Variants in MAML3 observed in about 807,000 individuals in gnomAD.
MAML3 encodes the protein mastermind-like protein 3.
In MAML3, 27 loss-of-function variants were observed where a neutral mutation model predicts 101.9. The ratio of observed to expected loss-of-function variants is 0.27; its 90% CI spans 0.20 to 0.37. MAML3 has a LOEUF of 0.37. Among genes scored for constraint, MAML3 ranks in the 10% least tolerant of loss-of-function variants. The pLI is 1.00. For synonymous variants in MAML3, 501 were observed against 555.9 expected (o/e 0.90, Z 1.39); for missense variants, 1,316 against 1,444.9 (o/e 0.91, Z 1.45).
At chr4:140,115,175 C>T (rs915742790) in intron 1 of MAML3, among the ~76,000 whole-genome samples, 2 of 152,202 alleles carry the variant, frequency 1.3e-5, no homozygotes, top group Non-Finnish European at 2.9e-5. Flanking sequence ...CATTACCTTT[C>T]TACTCAAAGA....
rs561063761 is a variant in MAML3 at position 139,867,267 on chromosome 4, T to A, written c.2079+22090A>T. The stretch of plus-strand genomic sequence containing the variant: ...TGAATCCCCTGCAAATGTGTCCATG[T>A]TTGCTTTGGGAATGTGTATTTTTCT... On this transcript the variant is annotated intron_variant, in intron 2 of 4. Coordinates refer to ENST00000509479, the MANE Select transcript of MAML3 (RefSeq NM_018717.5). Among the ~76,000 whole-genome samples, 3 of 152,322 alleles carry A rather than the reference T, an allele frequency of 2.0e-5. No individual in the cohort carries two copies. In the East Asian group the frequency reaches 5.8e-4, roughly 29 times the overall value.
chr4:140,108,880 G>A (rs1728395060), intron 1 of MAML3, among the ~76,000 whole-genome samples: 1 of 152,122 alleles, frequency 6.6e-6, no homozygotes, highest in South Asian at 2.1e-4. Context: ...TGCCTCATCT[G>A]CTGTGCCTGG....
intron 1 of MAML3, among the ~76,000 whole-genome samples, chr4:140,027,380 G>A (rs1273895737): frequency 3.9e-5 from 6 of 152,176 alleles, no homozygotes; most frequent in East Asian, 3.9e-4. Context: ...CCCTTCTCCC[G>A]TGGTATACTT....
At chr4:140,059,873 A>G (rs1167522883) in intron 1 of MAML3, among the ~76,000 whole-genome samples, 1 of 152,234 alleles carries the variant, frequency 6.6e-6, no homozygotes, top group Non-Finnish European at 1.5e-5. Context: ...GAACAGCAAA[A>G]GGCATCTAAA....
At chr4:139,965,809 G>A (rs13109980) in intron 1 of MAML3, among the ~76,000 whole-genome samples, 39,175 of 151,862 alleles carry the variant, frequency 0.26, 5,553 homozygotes, top group Non-Finnish European at 0.32. Context: ...GTCCTGGATA[G>A]CCAAGAACCC....
chr4:140,111,352 C>T (rs1430405812), intron 1 of MAML3, among the ~76,000 whole-genome samples: 3 of 152,124 alleles, frequency 2.0e-5, no homozygotes, highest in African/African-American at 7.2e-5. Flanking sequence ...GATTAGCCTA[C>T]TAATGGAAAA....
chr4:140,130,972 A>G (rs1447450476), intron 1 of MAML3, among the ~76,000 whole-genome samples: 1 of 152,096 alleles, frequency 6.6e-6, no homozygotes, highest in Non-Finnish European at 1.5e-5. Context: ...TTCTAAATAG[A>G]GAGGACCAGC....
At chr4:140,093,792 G>A (rs1214454337) in intron 1 of MAML3, among the ~76,000 whole-genome samples, 1 of 152,108 alleles carries the variant, frequency 6.6e-6, no homozygotes, top group Admixed American at 6.5e-5. Flanking sequence ...ACCATCATGT[G>A]CTGCATTAGG....
At chr4:139,879,365 A>C (rs1426665399) in intron 2 of MAML3, among the ~76,000 whole-genome samples, 2 of 151,526 alleles carry the variant, frequency 1.3e-5, no homozygotes, top group Non-Finnish European at 2.9e-5. Context: ...ATGTCTACTA[A>C]AAATACAAAA....
chr4:139,823,946 T>A (rs1731017849), intron 2 of MAML3, among the ~76,000 whole-genome samples: 2 of 151,060 alleles, frequency 1.3e-5, no homozygotes, highest in Admixed American at 6.6e-5. Flanking sequence ...TTTGAAATAT[T>A]TACCCTCACC....
chr4:139,775,549 C>T (rs7679592), intron 2 of MAML3, among the ~76,000 whole-genome samples: 13,805 of 151,980 alleles, frequency 0.091, 747 homozygotes, highest in Middle Eastern at 0.15. Flanking sequence ...GGATGAGGAA[C>T]GAAACTGGAG....
At chr4:140,134,872 A>C (rs1340755205) in intron 1 of MAML3, among the ~76,000 whole-genome samples, 5 of 152,222 alleles carry the variant, frequency 3.3e-5, no homozygotes, top group African/African-American at 1.2e-4. Flanking sequence ...TCACAATGGC[A>C]CGGGCTACAG....
Position 140,153,403 on chromosome 4 carries a change from G to T in MAML3, c.-76C>A. On this transcript the variant is annotated 5_prime_UTR_variant, in exon 1 of 5. Coordinates refer to ENST00000509479, the MANE Select transcript of MAML3 (RefSeq NM_018717.5). Reference sequence around the variant, plus strand: ...TATCAGCCTCCTCCTTGGGTCCAAGGATTAAAATAGTTTAAGTGGAACGCG... The same window carrying T: ...TATCAGCCTCCTCCTTGGGTCCAAGTATTAAAATAGTTTAAGTGGAACGCG... 1 of 1,330,866 alleles carries T rather than the reference G, an allele frequency of 7.5e-7. No individual in the cohort carries two copies. The highest frequency in any genetic ancestry group is 9.7e-7 in the Non-Finnish European group (1 of 1,027,266). The allele number at this position is 1,330,866 out of a possible 1,614,324, so 82.4% of individuals were successfully genotyped here. A position where few individuals can be genotyped will look rare whatever the true frequency, so the allele number is the denominator to read the frequency against.
At chr4:140,036,669 T>C (rs1194931867) in intron 1 of MAML3, among the ~76,000 whole-genome samples, 2 of 152,236 alleles carry the variant, frequency 1.3e-5, no homozygotes, top group African/African-American at 4.8e-5. Context: ...GCCAATTTTG[T>C]GCTCCAGCCC....
At chr4:139,956,385 T>C (rs1733916952) in intron 1 of MAML3, among the ~76,000 whole-genome samples, 1 of 152,236 alleles carries the variant, frequency 6.6e-6, no homozygotes, top group Non-Finnish European at 1.5e-5. Context: ...AGTCGAGCAA[T>C]ACATTTCAGT....
intron 2 of MAML3, among the ~76,000 whole-genome samples, chr4:139,819,803 T>A (rs1168658414): frequency 6.6e-6 from 1 of 152,216 alleles, no homozygotes; most frequent in Admixed American, 6.5e-5. Context: ...TAACTGACCA[T>A]GAGTGTTGAT....
At chr4:140,026,420 A>G (rs1293659064) in intron 1 of MAML3, among the ~76,000 whole-genome samples, 2 of 152,042 alleles carry the variant, frequency 1.3e-5, no homozygotes, top group Non-Finnish European at 2.9e-5. Flanking sequence ...ACACCTAGCT[A>G]ATTTTTGTAT....
intron 1 of MAML3, among the ~76,000 whole-genome samples, chr4:140,002,789 T>C (rs775490403): frequency 3.8e-4 from 58 of 152,302 alleles, no homozygotes; most frequent in Non-Finnish European, 7.1e-4. Context: ...TTACTAGGTA[T>C]ACCCAGTCCA....
chr4:139,735,319 C>A lies in MAML3; in HGVS notation c.2080-4652G>T, dbSNP rs1188910409. Among the ~76,000 whole-genome samples, 2 of 152,190 alleles carry A rather than the reference C, an allele frequency of 1.3e-5. No homozygotes were observed. Among genetic ancestry groups the A allele is most frequent in the Non-Finnish European group, 2.9e-5 (2 of 68,036 alleles). On this transcript the variant is annotated intron_variant, in intron 2 of 4. Transcript: ENST00000509479. This position sits in a 1 kb window ranked among gnomAD's most constrained non-coding sequence, Gnocchi z 5.8. ...GTGTATCTCTGGGGTTATCTGCCCC[C>A]CTCCTCCGACTGACACTGAACTGGT...
Sources: gnomAD v4.1 joint callset for allele counts (sites outside exome capture counted in the v4.1 genomes callset) on GRCh38, gnomAD v4.1.1 for gene constraint, Gnocchi (gnomAD v3.1) non-coding constraint, MANE v1.5 for transcripts, NCBI Gene and HGNC (gene_info 2026-07-23, HGNC 2026-07-21) for gene names.